The following MRPS35 variants were observed in gnomAD, a reference collection of about 807,000 sequenced individuals.
The protein encoded by MRPS35 is small ribosomal subunit protein mS35.
In MRPS35, 29 loss-of-function variants were observed where a neutral mutation model predicts 32.7. That is an observed-to-expected ratio of 0.89 (90% CI 0.66 to 1.21). MRPS35 has a LOEUF of 1.21. Among genes scored for constraint, MRPS35 ranks in the 50% most tolerant of loss-of-function variants. The probability of loss-of-function intolerance (pLI) is 0.00; values close to 1 mark genes in which losing one functional copy is unlikely to be tolerated. For synonymous variants in MRPS35, 148 were observed against 139.3 expected (o/e 1.06, Z -0.44); for missense variants, 373 against 383.8 (o/e 0.97, Z 0.23).
chr12:27,731,340 T>G (rs941253893), intron 5 of MRPS35, among the ~76,000 whole-genome samples: 1 of 152,202 alleles, frequency 6.6e-6, no homozygotes, highest in Non-Finnish European at 1.5e-5. Flanking sequence ...CCTCAAAATA[T>G]TAACTTTTAT....
intron 7 of MRPS35, among the ~76,000 whole-genome samples, chr12:27,737,892 G>A (rs2061948822): frequency 6.6e-6 from 1 of 152,126 alleles, no homozygotes. Context: ...TTGGGTGAAA[G>A]TTGTCAGCTA....
At position 27,710,963 on chromosome 12, in the gene MRPS35, T is replaced by G; in HGVS notation, c.112+8T>G. On this transcript the variant is annotated splice_region_variant and intron_variant, in intron 1 of 7. Coordinates refer to ENST00000081029, the MANE Select transcript of MRPS35 (RefSeq NM_021821.4). ...TCCCGACACCTAGCCTGCGTGAGTGTCTGTCTCGTCTTCTCTGGGCTTTGG... is the reference window on the plus strand; with the variant it reads ...TCCCGACACCTAGCCTGCGTGAGTGGCTGTCTCGTCTTCTCTGGGCTTTGG... 4 of 1,609,450 alleles carry G rather than the reference T, an allele frequency of 2.5e-6. No individual in the cohort carries two copies. The highest frequency in any genetic ancestry group is 3.4e-6 in the Non-Finnish European group (4 of 1,177,566).
intron 7 of MRPS35, 22 bp from the exon 8 acceptor site, chr12:27,755,159 T>G (rs1555108211): frequency 2.3e-5 from 34 of 1,491,498 alleles, no homozygotes; most frequent in Middle Eastern, 1.8e-4. Flanking sequence ...AACTCATTTT[T>G]TTTTGTTTTG....
chr12:27,734,731 A>C (rs1161329230), intron 5 of MRPS35, among the ~76,000 whole-genome samples: 1 of 152,204 alleles, frequency 6.6e-6, no homozygotes, highest in Non-Finnish European at 1.5e-5. Flanking sequence ...ATTGCATATT[A>C]ACCCTGCATT....
At chr12:27,723,385 A>G (rs1021740991) in intron 4 of MRPS35, among the ~76,000 whole-genome samples, 2 of 152,140 alleles carry the variant, frequency 1.3e-5, no homozygotes, top group Non-Finnish European at 2.9e-5. Context: ...CTCAGACCCA[A>G]TCCCACTTCC....
At chr12:27,727,366 A>C (rs563360554) in intron 5 of MRPS35, among the ~76,000 whole-genome samples, 8 of 152,260 alleles carry the variant, frequency 5.3e-5, no homozygotes, top group African/African-American at 1.7e-4. Flanking sequence ...AGATTATAAT[A>C]CTGTATTTTC....
rs752319567 is a variant in MRPS35 at position 27,755,205 on chromosome 12, A to G, written c.727A>G (p.Lys243Glu). 2.6e-6 allele frequency: 4 copies of G among 1,565,174 alleles called. No homozygotes were observed. The South Asian group carries it at 5.0e-5, about 19-fold the overall frequency. ...SWNTEEWEKS[K>E]TEADMEEYIW... ...GAATACTGAAGAATGGGAAAAAAGTAAGACTGAAGCAGACATGGAAGAGTA... is the reference window on the plus strand; with the variant it reads ...GAATACTGAAGAATGGGAAAAAAGTGAGACTGAAGCAGACATGGAAGAGTA... The change falls in exon 8 of 8, where the codon AAG becomes GAG. Residue 243 changes from lysine to glutamate, a missense_variant. Coordinates refer to ENST00000081029, the MANE Select transcript of MRPS35 (RefSeq NM_021821.4).
intron 7 of MRPS35, among the ~76,000 whole-genome samples, chr12:27,739,429 A>G (rs1176450420): frequency 7.2e-5 from 11 of 152,360 alleles, no homozygotes; most frequent in Admixed American, 3.9e-4. Context: ...CCTTCATATT[A>G]TGATAAAAGA....
intron 6 of MRPS35, among the ~76,000 whole-genome samples, chr12:27,736,075 G>T (rs574392584): frequency 1.3e-5 from 2 of 152,266 alleles, no homozygotes; most frequent in African/African-American, 2.4e-5. Context: ...GTAAAGAAAG[G>T]TTATTGGTAT....
intron 5 of MRPS35, among the ~76,000 whole-genome samples, chr12:27,728,929 T>G (rs1456249550): frequency 6.6e-6 from 1 of 152,206 alleles, no homozygotes; most frequent in Non-Finnish European, 1.5e-5. Context: ...CTATGTATTT[T>G]ATATTGCATC....
intron 7 of MRPS35, among the ~76,000 whole-genome samples, chr12:27,744,368 C>T (rs1591802262): frequency 1.3e-5 from 2 of 151,818 alleles, no homozygotes; most frequent in South Asian, 2.1e-4. Flanking sequence ...CCGAGGCAGG[C>T]GGATCACTTG....
At chr12:27,716,562 G>C (rs2061852102) in intron 3 of MRPS35, 104 bp downstream of exon 3, 1 of 1,041,240 alleles carries the variant, frequency 9.6e-7, no homozygotes, top group Middle Eastern at 2.3e-4. Context: ...GTGTATAGCA[G>C]CTTAGTGTAT....
chr12:27,714,211 A>G (rs1403201547), intron 1 of MRPS35, among the ~76,000 whole-genome samples: 2 of 152,188 alleles, frequency 1.3e-5, no homozygotes, highest in African/African-American at 2.4e-5. Flanking sequence ...TTTGTTAAAA[A>G]GTTGTCTTAC....
chr12:27,742,434 A>G (rs576534988), intron 7 of MRPS35, among the ~76,000 whole-genome samples: 2 of 152,364 alleles, frequency 1.3e-5, no homozygotes, highest in African/African-American at 4.8e-5. Flanking sequence ...TGGTTATAAT[A>G]TAATCTGTTG....
chr12:27,727,902 T>A (rs770157224), intron 5 of MRPS35, among the ~76,000 whole-genome samples: 1 of 152,142 alleles, frequency 6.6e-6, no homozygotes, highest in African/African-American at 2.4e-5. Context: ...TATAACCTAG[T>A]ACATCCTCCT....
chr12:27,753,976 G>C lies in MRPS35; in HGVS notation c.703-1205G>C, dbSNP rs184831384. ...ACAAAATAAAATTCCAGGATAGGCT[G>C]GGTGTGGTGGCTTATGCCTGTAATC... On this transcript the variant is annotated intron_variant, in intron 7 of 7. Transcript: ENST00000081029. Among the ~76,000 whole-genome samples, 1,169 of 152,308 alleles carry C rather than the reference G, an allele frequency of 7.7e-3. 10 individuals are homozygous for C. Among genetic ancestry groups the C allele is most frequent in the Admixed American group, 0.014 (210 of 15,296 alleles).
chr12:27,745,830 C>T (rs1293204007), intron 7 of MRPS35, among the ~76,000 whole-genome samples: 4 of 151,860 alleles, frequency 2.6e-5, no homozygotes, highest in African/African-American at 9.7e-5. Flanking sequence ...GTTTTTTGTC[C>T]TTGCAATAGT....
intron 1 of MRPS35, among the ~76,000 whole-genome samples, chr12:27,712,185 T>C (rs1339471480): frequency 6.6e-6 from 1 of 151,946 alleles, no homozygotes. Context: ...TGGGGAACTA[T>C]AAGTGCAAAG....
chr12:27,712,953 T>A (rs2140750146), intron 1 of MRPS35, among the ~76,000 whole-genome samples: 1 of 152,274 alleles, frequency 6.6e-6, no homozygotes, highest in Admixed American at 6.5e-5. Context: ...GGGAAGTCGA[T>A]TACAGTGAGC....
Sources: gnomAD v4.1 joint callset for allele counts (sites outside exome capture counted in the v4.1 genomes callset) on GRCh38, gnomAD v4.1.1 for gene constraint, MANE v1.5 for transcripts, NCBI Gene and HGNC (gene_info 2026-07-23, HGNC 2026-07-21) for gene names.